IRGM: variants seen among roughly 807,000 people sequenced by gnomAD.
The protein encoded by IRGM is immunity related GTPase M.
For synonymous variants in IRGM, 98 were observed against 80.6 expected (o/e 1.22, Z -1.16); for missense variants, 288 against 219.9 (o/e 1.31, Z -1.96).
intron 1 of IRGM, among the ~76,000 whole-genome samples, chr5:150,875,966 C>T (rs1426457018): frequency 1.3e-5 from 2 of 152,218 alleles, no homozygotes; most frequent in South Asian, 2.1e-4. Flanking sequence ...GACTTCCACT[C>T]ATGGACTCAC....
In IRGM at chr5:150,848,362, C is replaced by T. The variant is rs1554126690; in HGVS notation, c.239C>T (p.Ser80Phe). ...KATQRCASYF[S>F]SHFSNVVLWD... is the part of the protein sequence containing the mutation. ...ACCCAAAGATGTGCCTCCTATTTCT[C>T]TTCCCACTTTTCAAATGTGGTGTTG... The change falls in exon 2 of 2, where the codon TCT (serine) becomes TTT (phenylalanine). Residue 80 changes from serine (S) to phenylalanine (F), a missense_variant. Ser to Phe is a radical substitution (Grantham distance 155). Coordinates refer to ENST00000522154, the MANE Select transcript of IRGM (RefSeq NM_001145805.2). 6.4e-7 allele frequency: 1 copy of T among 1,551,862 alleles called. No individual in the cohort carries two copies. Among genetic ancestry groups the T allele is most frequent in the Non-Finnish European group, 8.7e-7 (1 of 1,146,982 alleles).
At chr5:150,895,618 G>A (rs772872340) in intron 3 of IRGM, 19 of 1,613,054 alleles carry the variant, frequency 1.2e-5, no homozygotes, top group South Asian at 2.2e-5. Flanking sequence ...GTATGAATTC[G>A]CTGGTGTCCC....
At chr5:150,884,820 T>C (rs1384931292) in intron 3 of IRGM, among the ~76,000 whole-genome samples, 11 of 152,180 alleles carry the variant, frequency 7.2e-5, no homozygotes, top group African/African-American at 2.7e-4. Context: ...ATATTAGACC[T>C]TTGTCAGACT....
At chr5:150,861,399 G>A (rs1754134030) in intron 1 of IRGM, among the ~76,000 whole-genome samples, 2 of 152,172 alleles carry the variant, frequency 1.3e-5, no homozygotes, top group Admixed American at 1.3e-4. Context: ...CTTAGGACAG[G>A]AAGTAGCACA....
chr5:150,889,137 CA>C (rs1754569290), intron 3 of IRGM, among the ~76,000 whole-genome samples: 2 of 150,224 alleles, frequency 1.3e-5, no homozygotes, highest in African/African-American at 4.9e-5. Context: ...TATTTTTTTT[CA>C]AGATTTAAAA....
chr5:150,895,707 T>A (rs755882794), intron 3 of IRGM: 1 of 1,613,664 alleles, frequency 6.2e-7, no homozygotes, highest in Non-Finnish European at 8.5e-7. Flanking sequence ...AATTCTCTGA[T>A]GTCCAATGAG....
chr5:150,873,260 T>G (rs1314021817), intron 1 of IRGM, among the ~76,000 whole-genome samples: 1 of 152,184 alleles, frequency 6.6e-6, no homozygotes, highest in Admixed American at 6.5e-5. Flanking sequence ...ACTTCCAGGC[T>G]GAGTGGACAA....
chr5:150,857,556 G>T (rs1311070684), intron 1 of IRGM, among the ~76,000 whole-genome samples: 6 of 151,536 alleles, frequency 4.0e-5, no homozygotes, highest in African/African-American at 1.5e-4. Context: ...CAGTGTAAAA[G>T]TGTTCCTATT....
At chr5:150,854,795 C>CT (rs1356767957) in intron 1 of IRGM, among the ~76,000 whole-genome samples, 1 of 152,040 alleles carries the variant, frequency 6.6e-6, no homozygotes, top group Non-Finnish European at 1.5e-5. Flanking sequence ...GTCTTTTTGG[C>CT]TTTATCTTGT....
downstream of IRGM, among the ~76,000 whole-genome samples, chr5:150,852,364 G>T (rs1753988689): frequency 6.6e-6 from 1 of 151,980 alleles, no homozygotes; most frequent in East Asian, 1.9e-4. Context: ...TGATTCCTTA[G>T]AGCAATCATT....
At chr5:150,895,684 T>C in intron 3 of IRGM, 1 of 1,613,530 alleles carries the variant, frequency 6.2e-7, no homozygotes, top group South Asian at 1.1e-5. Context: ...ATATAAGGTT[T>C]TTCTCCTGTG....
chr5:150,869,422 A>G (rs1754251080), intron 1 of IRGM, among the ~76,000 whole-genome samples: 1 of 151,908 alleles, frequency 6.6e-6, no homozygotes, highest in African/African-American at 2.4e-5. Flanking sequence ...TTCATCGGGG[A>G]TATTGATCTG....
downstream of IRGM, chr5:150,848,710 T>C: frequency 7.4e-7 from 1 of 1,360,320 alleles, no homozygotes; most frequent in Non-Finnish European, 1.0e-6. Context: ...CTCCTATTGA[T>C]TCCTTTTCTC....
At chr5:150,893,422 T>C (rs1754650456) in intron 3 of IRGM, among the ~76,000 whole-genome samples, 1 of 152,196 alleles carries the variant, frequency 6.6e-6, no homozygotes, top group Non-Finnish European at 1.5e-5. Context: ...CTGTATATCA[T>C]TTTAGAACCA....
At chr5:150,860,408 T>C (rs1045335173) in intron 1 of IRGM, among the ~76,000 whole-genome samples, 19 of 152,198 alleles carry the variant, frequency 1.2e-4, no homozygotes, top group African/African-American at 4.3e-4. Flanking sequence ...CTGTGGGTGT[T>C]TTCTTGGCAC....
chr5:150,877,726 C>T (rs116343913), intron 1 of IRGM, among the ~76,000 whole-genome samples: 1,742 of 152,234 alleles, frequency 0.011, 44 homozygotes, highest in African/African-American at 0.04. Context: ...GGGTACCATG[C>T]TTGCTAACCC....
chr5:150,900,118 CAA>C (rs757013526), intron 3 of IRGM, among the ~76,000 whole-genome samples: 1 of 151,982 alleles, frequency 6.6e-6, no homozygotes, highest in Admixed American at 6.6e-5. Flanking sequence ...AAATACTTGC[CAA>C]AGATGATTAC....
At chr5:150,874,508 G>C (rs13356375) in intron 1 of IRGM, among the ~76,000 whole-genome samples, 4,834 of 152,264 alleles carry the variant, frequency 0.032, 244 homozygotes, top group African/African-American at 0.11. Flanking sequence ...CTACAACAAG[G>C]AAAGAGGCAT....
At chr5:150,882,570 C>T (rs913398886) in intron 3 of IRGM, among the ~76,000 whole-genome samples, 3 of 152,014 alleles carry the variant, frequency 2.0e-5, no homozygotes, top group Non-Finnish European at 4.4e-5. Context: ...AGCAGGAGTG[C>T]CTATACTTAT....
Sources: gnomAD v4.1 joint callset for allele counts (sites outside exome capture counted in the v4.1 genomes callset) on GRCh38, gnomAD v4.1.1 for gene constraint, MANE v1.5 for transcripts, NCBI Gene and HGNC (gene_info 2026-07-23, HGNC 2026-07-21) for gene names.